Variants in XPR1 observed in about 807,000 individuals in gnomAD.
The protein encoded by XPR1 is xenotropic and polytropic retrovirus receptor 1.
In XPR1, 28 loss-of-function variants were observed where a neutral mutation model predicts 87.5. That is an observed-to-expected ratio of 0.32 (90% CI 0.24 to 0.44). The LOEUF is 0.44. XPR1 is among the 20% of genes least tolerant of loss of function. XPR1 has a pLI of 1.00. For synonymous variants in XPR1, 300 were observed against 306.1 expected (o/e 0.98, Z 0.21); for missense variants, 559 against 862.3 (o/e 0.65, Z 4.41).
chr1:180,785,011 T>TTGTGTGTGTTTGTGTGTG (rs1553248231), intron 2 of XPR1, among the ~76,000 whole-genome samples: 1 of 136,280 alleles, frequency 7.3e-6, no homozygotes, highest in African/African-American at 2.7e-5. Flanking sequence ...GTGTGTGTGT[T>TTGTGTGTGTTTGTGTGTG]TGTGTGTGTG....
intron 11 of XPR1, 148 bp downstream of exon 11, chr1:180,836,864 G>C: frequency 1.1e-6 from 1 of 889,926 alleles, no homozygotes; most frequent in Non-Finnish European, 1.7e-6. Context: ...GTTTGTTCTT[G>C]AATGCAGTTT....
At chr1:180,696,231 T>TATATATATATATA (rs1657172545) in intron 2 of XPR1, among the ~76,000 whole-genome samples, 3 of 143,138 alleles carry the variant, frequency 2.1e-5, no homozygotes, top group Non-Finnish European at 3.1e-5. Context: ...TATATATATA[T>TATATATATATATA]TATGGTAGCT....
At chr1:180,640,758 G>A (rs1285389848) in intron 1 of XPR1, among the ~76,000 whole-genome samples, 2 of 152,188 alleles carry the variant, frequency 1.3e-5, no homozygotes, top group East Asian at 3.8e-4. Context: ...AACTTACGAA[G>A]ATAAATCAGA....
intron 2 of XPR1, among the ~76,000 whole-genome samples, chr1:180,723,451 A>C (rs1351267822): frequency 2.0e-5 from 3 of 152,182 alleles, no homozygotes; most frequent in Admixed American, 2.0e-4. Flanking sequence ...CTTTCAGTCA[A>C]TCTATATATG....
At chr1:180,796,619 G>A (rs914408031) in intron 3 of XPR1, among the ~76,000 whole-genome samples, 2 of 152,026 alleles carry the variant, frequency 1.3e-5, no homozygotes, top group African/African-American at 4.8e-5. Flanking sequence ...GCTCTTTATG[G>A]TACAAAGATA....
In XPR1 at chr1:180,887,753, T is replaced by A. The variant is rs961920929; in HGVS notation, c.*3687T>A. The A allele has an allele frequency of 2.6e-5, 4 of 152,232 alleles. No homozygotes were observed. Among genetic ancestry groups the A allele is most frequent in the Admixed American group, 1.3e-4 (2 of 15,288 alleles). 9.4% of individuals were successfully genotyped at this position (152,232 alleles called of 1,614,324 possible). On this transcript the variant is annotated 3_prime_UTR_variant, in exon 15 of 15. Coordinates refer to ENST00000367590, the MANE Select transcript of XPR1 (RefSeq NM_004736.4). ...CCAGCCCCTAGGATCCCTGACTTCC[T>A]GATATTCTAAACATGAGAGTTCTGT...
chr1:180,833,327 A>G (rs987412792), intron 9 of XPR1, among the ~76,000 whole-genome samples: 2 of 152,228 alleles, frequency 1.3e-5, no homozygotes, highest in Non-Finnish European at 2.9e-5. Context: ...ACACATAACA[A>G]TATTAACCTT....
intron 1 of XPR1, among the ~76,000 whole-genome samples, chr1:180,642,349 A>T (rs780091241): frequency 6.6e-6 from 1 of 152,200 alleles, no homozygotes; most frequent in Non-Finnish European, 1.5e-5. Context: ...AAGTCAGAGC[A>T]TATATGGGTA....
Position 180,825,194 on chromosome 1 carries a change from C to T in XPR1, c.984C>T (p.Cys328=). 6.2e-7 allele frequency: 1 copy of T among 1,613,362 alleles called. No individual in the cohort carries two copies. The highest frequency in any genetic ancestry group is 1.1e-5 in the South Asian group (1 of 90,826). Reference sequence around the variant, plus strand: ...CTGGATTCCTCGGGATATTGTGGTGCCTGAGCCTTCTGGCATGCTTCTTTG... The same window carrying T: ...CTGGATTCCTCGGGATATTGTGGTGTCTGAGCCTTCTGGCATGCTTCTTTG... ...EIAGFLGILW[C]LSLLACFFAP... is the part of the protein sequence containing the mutation. The change falls in exon 9 of 15, where the codon TGC becomes TGT. Residue 328 remains cysteine, a synonymous_variant. Transcript: ENST00000367590.
chr1:180,834,532 G>A (rs1651203339), intron 9 of XPR1, among the ~76,000 whole-genome samples: 1 of 152,192 alleles, frequency 6.6e-6, no homozygotes, highest in Non-Finnish European at 1.5e-5. Flanking sequence ...ACATAAACGT[G>A]TATATTTTTA....
intron 2 of XPR1, among the ~76,000 whole-genome samples, chr1:180,768,898 G>T (rs549467913): frequency 6.6e-6 from 1 of 152,212 alleles, no homozygotes; most frequent in South Asian, 2.1e-4. Context: ...AGTAAAATGG[G>T]CATTTATTGA....
At chr1:180,787,500 A>C (rs900510328) in intron 2 of XPR1, among the ~76,000 whole-genome samples, 2 of 151,966 alleles carry the variant, frequency 1.3e-5, no homozygotes, top group African/African-American at 4.8e-5. Flanking sequence ...TCTGGTCTTG[A>C]ACTCCTGACT....
intron 1 of XPR1, among the ~76,000 whole-genome samples, chr1:180,660,225 T>A (rs1655719125): frequency 6.6e-6 from 1 of 152,162 alleles, no homozygotes; most frequent in Admixed American, 6.5e-5. Context: ...TCCTTTTTTA[T>A]CTCTGATTTT....
At chr1:180,743,266 A>T (rs948010770) in intron 2 of XPR1, among the ~76,000 whole-genome samples, 1 of 147,676 alleles carries the variant, frequency 6.8e-6, no homozygotes, top group Admixed American at 6.7e-5. Context: ...TTAATGTATC[A>T]GTTGTATTTT....
rs750502489 is a variant in XPR1, at chr1:180,806,112, C to T, written c.498C>T (p.Ile166=). 5 of 1,613,780 alleles carry T rather than the reference C, an allele frequency of 3.1e-6. No individual in the cohort carries two copies. The Admixed American group carries it at 6.7e-5, about 22-fold the overall frequency. ...FRKILKKHDK[I]LETSRGADWR... is the part of the protein sequence containing the mutation. ...AAATCCTGAAAAAGCATGACAAGAT[C>T]CTGGAAACATCTCGTGGAGCAGATT... is the stretch of plus-strand genomic sequence containing the variant. Residue 166 remains isoleucine, a synonymous_variant, in exon 5 of 15, where the codon ATC becomes ATT. Transcript: ENST00000367590.
intron 2 of XPR1, among the ~76,000 whole-genome samples, chr1:180,765,358 T>C (rs912360830): frequency 1.3e-5 from 2 of 152,252 alleles, no homozygotes; most frequent in African/African-American, 4.8e-5. Flanking sequence ...GCTCATGCAT[T>C]ATGCTGGACT....
At chr1:180,786,667 G>A (rs1649152178) in intron 2 of XPR1, among the ~76,000 whole-genome samples, 1 of 152,052 alleles carries the variant, frequency 6.6e-6, no homozygotes, top group African/African-American at 2.4e-5. Flanking sequence ...GTATTGATTG[G>A]CCCACACAGT....
rs566418950 is a variant in XPR1, at chr1:180,779,212, C to T, written c.122-8541C>T. ...AGCCATCCATCCCAGTTCTTACACT[C>T]TATCTCATCACCCTATTTGTTGTCT... On this transcript the variant is annotated intron_variant, in intron 2 of 14. Coordinates refer to ENST00000367590, the MANE Select transcript of XPR1 (RefSeq NM_004736.4). 5.3e-5 allele frequency among the ~76,000 whole-genome samples: 8 copies of T among 152,104 alleles called. No homozygotes were observed. The East Asian group carries it at 1.5e-3, about 29-fold the overall frequency.
At position 180,810,580 on chromosome 1, in the gene XPR1, G is replaced by GA. The variant is rs879324033; in HGVS notation, c.682-815dup. On this transcript the variant is annotated intron_variant, in intron 6 of 14. Transcript: ENST00000367590. ...GGCGATAGGACGAGACCATGTCTCA[G>GA]AAAAAAAAAAAATGCTACCTCAGTA... Among the ~76,000 whole-genome samples, 227 of 142,074 alleles carry GA rather than the reference G, an allele frequency of 1.6e-3. 1 individual carries two copies. The highest frequency in any genetic ancestry group is 8.8e-3 in the South Asian group (40 of 4,542). 93.2% of individuals were successfully genotyped at this position (142,074 alleles called of 152,430 possible).
Sources: allele counts gnomAD v4.1 joint callset (sites outside exome capture counted in the v4.1 genomes callset), GRCh38; gene constraint gnomAD v4.1.1; transcripts MANE v1.5; gene names NCBI Gene and HGNC (gene_info 2026-07-23, HGNC 2026-07-21).